SLC4A10: variants seen among roughly 807,000 people sequenced by gnomAD.
SLC4A10 encodes solute carrier family 4 member 10, also known as sodium-driven chloride bicarbonate exchanger.
A neutral mutation model predicts 137.7 loss-of-function variants in SLC4A10; 42 were observed. That is an observed-to-expected ratio of 0.30 (90% confidence interval 0.24 to 0.39). SLC4A10 has a LOEUF of 0.39. Among genes scored for constraint, SLC4A10 ranks in the 10% least tolerant of loss-of-function variants. SLC4A10 has a pLI of 1.00. For synonymous variants in SLC4A10, 474 were observed against 464.1 expected, an observed-to-expected ratio of 1.02 and a Z score of -0.27; for missense variants, 925 against 1,355.0, an observed-to-expected ratio of 0.68 and a Z score of 4.98.
intron 3 of SLC4A10, among the ~76,000 whole-genome samples, chr2:161,820,471 T>G (rs1263224252): frequency 6.6e-6 from 1 of 152,216 alleles, no homozygotes. Flanking sequence ...TCATTAGGTT[T>G]TCCATCCTCC....
intron 10 of SLC4A10, among the ~76,000 whole-genome samples, chr2:161,885,940 C>G (rs992860071): frequency 6.6e-6 from 1 of 151,684 alleles, no homozygotes; most frequent in Non-Finnish European, 1.5e-5. Flanking sequence ...CTGTCTCTAC[C>G]AAAAAATTCA....
At chr2:161,674,525 A>G (rs1009587559) in intron 1 of SLC4A10, among the ~76,000 whole-genome samples, 2 of 152,194 alleles carry the variant, frequency 1.3e-5, no homozygotes, top group African/African-American at 4.8e-5. Context: ...TCTGTAATAG[A>G]AGAAAAGTTT....
intron 5 of SLC4A10, among the ~76,000 whole-genome samples, chr2:161,856,797 A>G (rs2060132314): frequency 6.6e-6 from 1 of 152,156 alleles, no homozygotes; most frequent in Non-Finnish European, 1.5e-5. Context: ...CCTGGTTCTT[A>G]GTATTATTAT....
chr2:161,670,456 C>A (rs572688778), intron 1 of SLC4A10, among the ~76,000 whole-genome samples: 2 of 152,062 alleles, frequency 1.3e-5, no homozygotes, highest in East Asian at 3.9e-4. Flanking sequence ...AAGAATGAGG[C>A]AAGGGTATTA....
intron 15 of SLC4A10, among the ~76,000 whole-genome samples, chr2:161,910,144 A>G (rs895509467): frequency 1.3e-5 from 2 of 152,136 alleles, no homozygotes; most frequent in African/African-American, 4.8e-5. Flanking sequence ...TATATTTCAG[A>G]TTTTTTATAC....
At chr2:161,879,969 T>A (rs2125962721) in intron 9 of SLC4A10, among the ~76,000 whole-genome samples, 1 of 152,172 alleles carries the variant, frequency 6.6e-6, no homozygotes, top group African/African-American at 2.4e-5. Flanking sequence ...AGAATAAGGC[T>A]ATCCATTACT....
At chr2:161,708,079 A>G (rs1057011261) in intron 1 of SLC4A10, among the ~76,000 whole-genome samples, 12 of 151,548 alleles carry the variant, frequency 7.9e-5, no homozygotes, top group African/African-American at 2.9e-4. Flanking sequence ...GTTGGTATGA[A>G]GAATCTGAAA....
intron 3 of SLC4A10, among the ~76,000 whole-genome samples, chr2:161,809,633 G>T (rs1375499300): frequency 6.6e-6 from 1 of 151,960 alleles, no homozygotes; most frequent in Non-Finnish European, 1.5e-5. Context: ...TTAATAGGGA[G>T]TCCTTTCTGT....
At chr2:161,678,065 C>CT (rs1302875729) in intron 1 of SLC4A10, among the ~76,000 whole-genome samples, 2 of 152,172 alleles carry the variant, frequency 1.3e-5, no homozygotes, top group East Asian at 3.9e-4. Flanking sequence ...TTGCTTTTAT[C>CT]TTTTTTCACT....
At chr2:161,689,975 C>T (rs536293033) in intron 1 of SLC4A10, among the ~76,000 whole-genome samples, 1 of 152,236 alleles carries the variant, frequency 6.6e-6, no homozygotes, top group Non-Finnish European at 1.5e-5. Flanking sequence ...ATAGTGGATT[C>T]ATGGCATATA....
At chr2:161,927,700 A>G (rs1056614538) in intron 15 of SLC4A10, among the ~76,000 whole-genome samples, 1 of 152,216 alleles carries the variant, frequency 6.6e-6, no homozygotes, top group Admixed American at 6.5e-5. Context: ...CCCCATCAAA[A>G]AGTGGGCAAA....
At chr2:161,959,208 T>C (rs1343820195) in intron 21 of SLC4A10, among the ~76,000 whole-genome samples, 6 of 152,228 alleles carry the variant, frequency 3.9e-5, no homozygotes, top group Admixed American at 3.9e-4. Context: ...GTTTTGTTTG[T>C]TTTACTGTTA....
chr2:161,705,989 T>C (rs2043622194), intron 1 of SLC4A10, among the ~76,000 whole-genome samples: 1 of 151,630 alleles, frequency 6.6e-6, no homozygotes, highest in Admixed American at 6.6e-5. Context: ...TATGAGTAAA[T>C]AATTTGTTTT....
chr2:161,700,153 G>A (rs2124997876), intron 1 of SLC4A10, among the ~76,000 whole-genome samples: 1 of 152,278 alleles, frequency 6.6e-6, no homozygotes, highest in Non-Finnish European at 1.5e-5. Context: ...GACAATTAAA[G>A]GCCAGTAGTT....
chr2:161,734,349 A>T (rs1169197220), intron 1 of SLC4A10, among the ~76,000 whole-genome samples: 1 of 152,130 alleles, frequency 6.6e-6, no homozygotes, highest in Non-Finnish European at 1.5e-5. Context: ...CGTGGTAGTG[A>T]ATAAGTCTCA....
intron 1 of SLC4A10, among the ~76,000 whole-genome samples, chr2:161,630,803 C>G (rs1034237828): frequency 1.3e-5 from 2 of 151,708 alleles, no homozygotes; most frequent in African/African-American, 2.4e-5. Flanking sequence ...CTAATGTTTT[C>G]CAGCCTTGCA....
At chr2:161,807,142 C>T (rs2056066781) in intron 3 of SLC4A10, among the ~76,000 whole-genome samples, 1 of 152,116 alleles carries the variant, frequency 6.6e-6, no homozygotes, top group African/African-American at 2.4e-5. Context: ...ATCATGAGAA[C>T]AGCACAGGAA....
At chr2:161,662,576 G>A (rs1305307123) in intron 1 of SLC4A10, among the ~76,000 whole-genome samples, 1 of 152,090 alleles carries the variant, frequency 6.6e-6, no homozygotes, top group Non-Finnish European at 1.5e-5. Flanking sequence ...CTTGACTCAT[G>A]GTTAATCAGA....
chr2:161,894,616 T>C, intron 10 of SLC4A10, 63 bp from the exon 11 acceptor site: 1 of 919,306 alleles, frequency 1.1e-6, no homozygotes, highest in Non-Finnish European at 1.4e-6. Context: ...TTGAAAACAC[T>C]GAACACATTA....
Sources: gnomAD v4.1 joint callset for allele counts (sites outside exome capture counted in the v4.1 genomes callset) on GRCh38, gnomAD v4.1.1 for gene constraint, MANE v1.5 for transcripts, NCBI Gene and HGNC (gene_info 2026-07-23, HGNC 2026-07-21) for gene names.